Variants in IPO11 observed in about 807,000 individuals in gnomAD.
The protein encoded by IPO11 is importin-11.
In IPO11, 66 loss-of-function variants were observed where a neutral mutation model predicts 143.2. The ratio of observed to expected loss-of-function variants is 0.46; its 90% CI spans 0.38 to 0.57. The LOEUF is 0.57. IPO11 is among the 20% of genes least tolerant of loss of function. IPO11 has a pLI of 0.00. For missense variants in IPO11, 1,026 were observed against 1,141.0 expected, an observed-to-expected ratio of 0.90 and a Z score of 1.45; for synonymous variants, 385 against 377.8, an observed-to-expected ratio of 1.02 and a Z score of -0.22.
chr5:62,414,512 T>C (rs147405748), intron 1 of IPO11, among the ~76,000 whole-genome samples: 1 of 152,326 alleles, frequency 6.6e-6, no homozygotes, highest in African/African-American at 2.4e-5. Context: ...GTTTAAGGAA[T>C]GGCAAAACAC....
At position 62,512,162 on chromosome 5, in the gene IPO11, A is replaced by T. The variant is rs1268337421; in HGVS notation, c.1783-3226A>T. 18 of 973,876 alleles carry T rather than the reference A, an allele frequency of 1.8e-5. No homozygotes were observed. The African/African-American group carries it at 2.2e-4, about 12-fold the overall frequency. 60.3% of individuals were successfully genotyped at this position (973,876 alleles called of 1,614,324 possible). On this transcript the variant is annotated intron_variant, in intron 19 of 29. Coordinates refer to ENST00000325324, the MANE Select transcript of IPO11 (RefSeq NM_016338.5). ...ATATCAAAGTGAGAAACAAGAAGGC[A>T]ACATAATAATGTTATCAGAAAGATG...
chr5:62,539,154 T>A (rs1156629631), intron 24 of IPO11, among the ~76,000 whole-genome samples: 2 of 151,890 alleles, frequency 1.3e-5, no homozygotes, highest in African/African-American at 2.4e-5. Flanking sequence ...AAAACAAGAG[T>A]TTCTTTATAA....
intron 28 of IPO11, among the ~76,000 whole-genome samples, chr5:62,592,378 G>A (rs1021047389): frequency 6.6e-6 from 1 of 151,992 alleles, no homozygotes; most frequent in African/African-American, 2.4e-5. Flanking sequence ...AATATGGATA[G>A]CAGATATATG....
At chr5:62,435,553 G>A (rs1341646308) in intron 1 of IPO11, among the ~76,000 whole-genome samples, 1 of 152,004 alleles carries the variant, frequency 6.6e-6, no homozygotes, top group Non-Finnish European at 1.5e-5. Context: ...TCACGTCACT[G>A]TGTTACAGCC....
In IPO11 at chr5:62,601,666, C is replaced by T. The variant is rs1745511919; in HGVS notation, c.2679-98C>T. The T allele has an allele frequency of 7.6e-6, 4 of 523,830 alleles. No individual in the cohort carries two copies. In the Admixed American group the frequency reaches 1.7e-4, roughly 22 times the overall value. The allele number at this position is 523,830 out of a possible 1,614,324, so 32.4% of individuals were successfully genotyped here. On this transcript the variant is annotated intron_variant, in intron 28 of 29. Transcript: ENST00000325324. Reference sequence around the variant, plus strand: ...ACATTTTGGTGTGAAAAACTAAGAACATAGAATTATTCATGTTCTTAGTGA... The same window carrying T: ...ACATTTTGGTGTGAAAAACTAAGAATATAGAATTATTCATGTTCTTAGTGA...
intron 1 of IPO11, among the ~76,000 whole-genome samples, chr5:62,420,377 T>G (rs545334611): frequency 1.3e-5 from 2 of 152,216 alleles, no homozygotes; most frequent in East Asian, 3.9e-4. Flanking sequence ...TGTTATGTAC[T>G]GTACCTAATT....
In IPO11 at chr5:62,440,020, A is replaced by G. The variant is rs115661797; in HGVS notation, c.138+2603A>G. Among the ~76,000 whole-genome samples the G allele has an allele frequency of 5.0e-3, 768 of 152,336 alleles. 6 individuals carry two copies. Among genetic ancestry groups the G allele is most frequent in the African/African-American group, 0.017 (724 of 41,576 alleles). On this transcript the variant is annotated intron_variant, in intron 2 of 29. Transcript: ENST00000325324. ...TGAGTGAGATCCACCAACTTCCACA[A>G]TATTCCCACATTACTTCCATTCGTT... is the stretch of plus-strand genomic sequence containing the variant.
intron 27 of IPO11, among the ~76,000 whole-genome samples, chr5:62,567,105 G>A (rs965878881): frequency 6.6e-6 from 1 of 152,074 alleles, no homozygotes; most frequent in Admixed American, 6.6e-5. Flanking sequence ...TGTAAGACAG[G>A]CCTGTGGTGA....
chr5:62,572,897 ATAGT>A (rs1310624447), intron 27 of IPO11, among the ~76,000 whole-genome samples: 10 of 152,100 alleles, frequency 6.6e-5, no homozygotes, highest in Non-Finnish European at 1.0e-4. Flanking sequence ...ACATTCTTTC[ATAGT>A]TAGTTATGAA....
chr5:62,592,007 A>C (rs775615491), intron 28 of IPO11, among the ~76,000 whole-genome samples: 4 of 151,976 alleles, frequency 2.6e-5, no homozygotes, highest in Non-Finnish European at 4.4e-5. Context: ...GCACCACCAC[A>C]CCTGGCTACT....
intron 16 of IPO11, among the ~76,000 whole-genome samples, chr5:62,499,689 A>T (rs998263432): frequency 1.3e-5 from 2 of 151,738 alleles, no homozygotes; most frequent in Admixed American, 6.6e-5. Context: ...TAGTTTAAAA[A>T]TTTTTTAAAG....
chr5:62,583,344 A>G (rs1304702492), intron 27 of IPO11, among the ~76,000 whole-genome samples: 1 of 152,168 alleles, frequency 6.6e-6, no homozygotes, highest in African/African-American at 2.4e-5. Flanking sequence ...AAAGATGTTC[A>G]CAAGCAACAC....
intron 28 of IPO11, among the ~76,000 whole-genome samples, chr5:62,599,557 A>G (rs1384508621): frequency 6.6e-6 from 1 of 152,174 alleles, no homozygotes; most frequent in African/African-American, 2.4e-5. Context: ...TAAACCCAGA[A>G]ATGACTTAAA....
At position 62,551,261 on chromosome 5, in the gene IPO11, G is replaced by A; in HGVS notation, c.2385G>A (p.Met795Ile). The change falls in exon 26 of 30, where the codon ATG (methionine) becomes ATA (isoleucine). Residue 795 changes from methionine to isoleucine, a missense_variant. Around this residue, in one of 5 missense-constraint regions of IPO11, gnomAD observed 351 missense variants for 358.9 expected, o/e 0.98. Coordinates refer to ENST00000325324, the MANE Select transcript of IPO11 (RefSeq NM_016338.5). ...PVVMSTYLGV[M>I]GRVLLQNTSF... Reference sequence around the variant, plus strand: ...TGATGTCCACGTATCTTGGAGTTATGGGTCGAGTTCTACTACAAAACACTA... The same window carrying A: ...TGATGTCCACGTATCTTGGAGTTATAGGTCGAGTTCTACTACAAAACACTA... The A allele has an allele frequency of 6.2e-7, 1 of 1,609,928 alleles. No homozygotes were observed. The highest frequency in any genetic ancestry group is 8.5e-7 in the Non-Finnish European group (1 of 1,177,480).
chr5:62,515,849 TA>T (rs2112286446), intron 20 of IPO11, among the ~76,000 whole-genome samples: 1 of 152,310 alleles, frequency 6.6e-6, no homozygotes, highest in South Asian at 2.1e-4. Context: ...TTCCTTGATT[TA>T]AAATAAAAAA....
At chr5:62,451,658 A>C in intron 4 of IPO11, 72 bp from the exon 5 acceptor site, 1 of 1,100,534 alleles carries the variant, frequency 9.1e-7, no homozygotes, top group Non-Finnish European at 1.4e-6. Context: ...ATAATTAACA[A>C]GGTGATTTGT....
chr5:62,598,434 C>CTT (rs1745334262), intron 28 of IPO11, among the ~76,000 whole-genome samples: 2 of 2,292 alleles, frequency 8.7e-4, no homozygotes, highest in Non-Finnish European at 7.0e-4. Flanking sequence ...CTTTCTTTCT[C>CTT]TCTCTCTCTC....
intron 21 of IPO11, 82 bp from the exon 22 acceptor site, chr5:62,530,627 G>T: frequency 1.3e-6 from 1 of 776,356 alleles, no homozygotes; most frequent in South Asian, 1.6e-5. Context: ...ATTTAAATGA[G>T]ACCTTTTAAA....
At chr5:62,622,344 T>C (rs1746409123) in intron 29 of IPO11, among the ~76,000 whole-genome samples, 1 of 152,194 alleles carries the variant, frequency 6.6e-6, no homozygotes, top group Non-Finnish European at 1.5e-5. Flanking sequence ...TGCTGCCAAG[T>C]GAAGAACTAT....
Sources: gnomAD v4.1 joint callset for allele counts (sites outside exome capture counted in the v4.1 genomes callset) on GRCh38, gnomAD v4.1.1 for gene constraint, gnomAD v4.1.1 regional missense constraint, MANE v1.5 for transcripts, NCBI Gene and HGNC (gene_info 2026-07-23, HGNC 2026-07-21) for gene names.